The following NGF variants were observed in gnomAD, a reference collection of about 807,000 sequenced individuals.
The protein encoded by NGF is beta-nerve growth factor.
Under a neutral mutation model 12.8 loss-of-function variants are expected in NGF, and 4 were observed. The observed-to-expected ratio is 0.31, with a 90% CI of 0.15 to 0.72. NGF has a LOEUF of 0.72. Ranked by LOEUF, NGF falls within the 30% of genes least tolerant of loss-of-function variation. The probability of loss-of-function intolerance (pLI) is 0.69; values close to 1 mark genes in which losing one functional copy is unlikely to be tolerated. For synonymous variants in NGF, 140 were observed against 130.0 expected (o/e 1.08, Z -0.52); for missense variants, 283 against 330.8 (o/e 0.86, Z 1.12).
At chr1:115,325,842 G>C (rs1654758105) in intron 1 of NGF, among the ~76,000 whole-genome samples, 1 of 151,968 alleles carries the variant, frequency 6.6e-6, no homozygotes, top group Non-Finnish European at 1.5e-5. Flanking sequence ...AAGGTGAGAG[G>C]GAAGGCAGAA....
intron 1 of NGF, among the ~76,000 whole-genome samples, chr1:115,312,458 C>G (rs1654359649): frequency 6.6e-6 from 1 of 151,984 alleles, no homozygotes; most frequent in South Asian, 2.1e-4. Context: ...AGTGACACGA[C>G]AAAGGCACAG....
intron 1 of NGF, among the ~76,000 whole-genome samples, chr1:115,312,427 A>G (rs1377431073): frequency 6.6e-6 from 1 of 152,204 alleles, no homozygotes; most frequent in Non-Finnish European, 1.5e-5. Context: ...TTTGTTTTTA[A>G]GTAATAAACA....
chr1:115,336,400 A>C (rs1014173411), intron 1 of NGF, among the ~76,000 whole-genome samples: 4 of 151,616 alleles, frequency 2.6e-5, no homozygotes, highest in Non-Finnish European at 5.9e-5. Context: ...AGAGTGGGGT[A>C]GGAGTTTGGC....
intron 1 of NGF, among the ~76,000 whole-genome samples, chr1:115,295,087 C>T (rs964855546): frequency 2.0e-5 from 3 of 152,150 alleles, no homozygotes; most frequent in South Asian, 4.1e-4. Context: ...CTTTTTCCAG[C>T]ATGGATCCCC....
At chr1:115,316,485 A>G (rs114985368) in intron 1 of NGF, among the ~76,000 whole-genome samples, 3,355 of 152,254 alleles carry the variant, frequency 0.022, 58 homozygotes, top group African/African-American at 0.028. Flanking sequence ...GATAGCTACA[A>G]TTTCTTATAT....
intron 1 of NGF, among the ~76,000 whole-genome samples, chr1:115,321,425 T>G (rs1654622043): frequency 6.6e-6 from 1 of 152,206 alleles, no homozygotes; most frequent in Non-Finnish European, 1.5e-5. Context: ...CTTCTTTTTT[T>G]GCATTTATTA....
chr1:115,291,507 G>A (rs972272526), intron 2 of NGF, among the ~76,000 whole-genome samples: 8 of 152,280 alleles, frequency 5.3e-5, no homozygotes, highest in Non-Finnish European at 7.4e-5. Flanking sequence ...TCACATGAAC[G>A]AACATGTTCT....
chr1:115,315,223 A>G lies in NGF; in HGVS notation c.-136-21473T>C, dbSNP rs576577791. On this transcript the variant is annotated intron_variant, in intron 1 of 2. Coordinates refer to ENST00000369512, the MANE Select transcript of NGF (RefSeq NM_002506.3). ...GGGAAGCCATTAGAAGATTTTTAGCAGAAAGCAACATGACTGGATATATTT... is the reference window on the plus strand; with the variant it reads ...GGGAAGCCATTAGAAGATTTTTAGCGGAAAGCAACATGACTGGATATATTT... Among the ~76,000 whole-genome samples the G allele has an allele frequency of 4.6e-5, 7 of 152,328 alleles. No individual in the cohort carries two copies. The East Asian group carries it at 1.2e-3, about 25-fold the overall frequency.
intron 1 of NGF, among the ~76,000 whole-genome samples, chr1:115,319,419 A>G (rs370463270): frequency 6.6e-6 from 1 of 152,118 alleles, no homozygotes; most frequent in Non-Finnish European, 1.5e-5. Context: ...ACTCGCACAC[A>G]CACATACTCA....
intron 1 of NGF, among the ~76,000 whole-genome samples, chr1:115,333,207 A>G (rs1261763642): frequency 6.6e-6 from 1 of 152,176 alleles, no homozygotes; most frequent in East Asian, 1.9e-4. Context: ...AGGAGCAGCC[A>G]AAGGAAATGG....
intron 1 of NGF, among the ~76,000 whole-genome samples, chr1:115,326,961 G>A (rs1290323308): frequency 1.3e-5 from 2 of 152,210 alleles, no homozygotes; most frequent in Admixed American, 6.5e-5. Flanking sequence ...GAGAGGTTCT[G>A]TAATTTGCCT....
At chr1:115,327,222 T>G (rs1344987813) in intron 1 of NGF, among the ~76,000 whole-genome samples, 1 of 152,258 alleles carries the variant, frequency 6.6e-6, no homozygotes, top group Non-Finnish European at 1.5e-5. Flanking sequence ...GAACATTTTG[T>G]GCACCATGTC....
chr1:115,304,028 T>C lies in NGF; in HGVS notation c.-136-10278A>G, dbSNP rs191367010. The stretch of plus-strand genomic sequence containing the variant: ...TTTCTTTCTCCTGAGATTTTTCTTT[T>C]CTTTTGTCAGCTTTGTGTTTCCAAT... On this transcript the variant is annotated intron_variant, in intron 1 of 2. Coordinates refer to ENST00000369512, the MANE Select transcript of NGF (RefSeq NM_002506.3). Among the ~76,000 whole-genome samples the C allele has an allele frequency of 1.5e-3, 233 of 152,342 alleles. 1 individual carries two copies. The highest frequency in any genetic ancestry group is 5.2e-3 in the African/African-American group (216 of 41,570).
chr1:115,286,847 T>TA, intron 2 of NGF, 40 bp from the exon 3 acceptor site: 2 of 1,612,570 alleles, frequency 1.2e-6, no homozygotes, highest in Non-Finnish European at 1.7e-6. Context: ...CATGGAGTAC[T>TA]AAATGCAGTC....
In NGF at chr1:115,320,606, G is replaced by A. The variant is rs552660868; in HGVS notation, c.-137+17598C>T. Among the ~76,000 whole-genome samples the A allele has an allele frequency of 5.3e-5, 8 of 152,254 alleles. No homozygotes were observed. The South Asian group carries it at 1.5e-3, about 28-fold the overall frequency. ...TTCCGGGCAGAAAAAGTGGGATGGC[G>A]CAATATATCATCACACTATTCAGAA... is the stretch of plus-strand genomic sequence containing the variant. On this transcript the variant is annotated intron_variant, in intron 1 of 2. Coordinates refer to ENST00000369512, the MANE Select transcript of NGF (RefSeq NM_002506.3).
At chr1:115,298,032 AT>A (rs1653922521) in intron 1 of NGF, among the ~76,000 whole-genome samples, 1 of 152,248 alleles carries the variant, frequency 6.6e-6, no homozygotes, top group African/African-American at 2.4e-5. Context: ...AAATTAATAC[AT>A]CTCAGAAAAC....
At chr1:115,327,064 T>C (rs1654797567) in intron 1 of NGF, among the ~76,000 whole-genome samples, 1 of 152,200 alleles carries the variant, frequency 6.6e-6, no homozygotes, top group Non-Finnish European at 1.5e-5. Flanking sequence ...ATCCCTGACT[T>C]AGCCATTAGT....
At chr1:115,297,540 A>G (rs918510665) in intron 1 of NGF, among the ~76,000 whole-genome samples, 2 of 152,184 alleles carry the variant, frequency 1.3e-5, no homozygotes, top group Non-Finnish European at 2.9e-5. Context: ...ATTTTGATCA[A>G]TTTCAGCCAT....
intron 2 of NGF, among the ~76,000 whole-genome samples, chr1:115,293,180 A>G (rs1408140244): frequency 6.6e-6 from 1 of 152,152 alleles, no homozygotes; most frequent in East Asian, 1.9e-4. Context: ...TACACAGCAA[A>G]CAGAAGTGGA....
Sources: allele counts gnomAD v4.1 joint callset (sites outside exome capture counted in the v4.1 genomes callset), GRCh38; gene constraint gnomAD v4.1.1; transcripts MANE v1.5; gene names NCBI Gene and HGNC (gene_info 2026-07-23, HGNC 2026-07-21).